The following GABRG1 variants were observed in gnomAD, a reference collection of about 807,000 sequenced individuals.
The protein encoded by GABRG1 is gamma-aminobutyric acid receptor subunit gamma-1.
A neutral mutation model predicts 49.8 loss-of-function variants in GABRG1; 49 were observed. The ratio of observed to expected loss-of-function variants is 0.98; its 90% confidence interval spans 0.78 to 1.25. GABRG1 has a LOEUF of 1.25. Ranked by LOEUF, GABRG1 falls within the 50% of genes most tolerant of loss-of-function variation. GABRG1 has a pLI of 0.00. For synonymous variants in GABRG1, 232 were observed against 185.1 expected (o/e 1.25, Z -2.06); for missense variants, 552 against 552.3 (o/e 1.00, Z 0.01).
At chr4:46,066,212 T>C (rs1350014948) in intron 3 of GABRG1, among the ~76,000 whole-genome samples, 2 of 152,164 alleles carry the variant, frequency 1.3e-5, no homozygotes, top group Non-Finnish European at 2.9e-5. Flanking sequence ...TATTAATTTA[T>C]ACATACAGTT....
intron 8 of GABRG1, among the ~76,000 whole-genome samples, chr4:46,048,513 A>C (rs936087380): frequency 6.6e-6 from 1 of 151,356 alleles, no homozygotes; most frequent in Non-Finnish European, 1.5e-5. Flanking sequence ...CTGGTACTAA[A>C]TGGTTACTCT....
At chr4:46,122,224 A>G (rs73146836) in intron 1 of GABRG1, among the ~76,000 whole-genome samples, 14,271 of 152,064 alleles carry the variant, frequency 0.094, 1,662 homozygotes, top group African/African-American at 0.28. Context: ...ATTCCCCAAA[A>G]CAAAACATGT....
At chr4:46,080,685 C>T (rs1434879136) in intron 3 of GABRG1, among the ~76,000 whole-genome samples, 1 of 151,800 alleles carries the variant, frequency 6.6e-6, no homozygotes, top group African/African-American at 2.4e-5. Flanking sequence ...AATACCAATA[C>T]ATCCTTGAAT....
intron 3 of GABRG1, among the ~76,000 whole-genome samples, chr4:46,079,341 T>C (rs1460869647): frequency 6.6e-6 from 1 of 151,958 alleles, no homozygotes. Context: ...TCCTCAGCCC[T>C]GTCTCCGTTA....
At chr4:46,114,749 A>G (rs1388280924) in intron 1 of GABRG1, among the ~76,000 whole-genome samples, 1 of 151,074 alleles carries the variant, frequency 6.6e-6, no homozygotes, top group African/African-American at 2.4e-5. Context: ...GTGGTCCTTA[A>G]TTTAAAAATT....
At chr4:46,061,444 T>C (rs527676307) in intron 5 of GABRG1, among the ~76,000 whole-genome samples, 1 of 152,234 alleles carries the variant, frequency 6.6e-6, no homozygotes, top group African/African-American at 2.4e-5. Context: ...TAGAATGTGA[T>C]CTGTGAAAAC....
chr4:46,045,469 G>A (rs1717957771), intron 8 of GABRG1, among the ~76,000 whole-genome samples: 2 of 151,604 alleles, frequency 1.3e-5, no homozygotes, highest in Non-Finnish European at 2.9e-5. Context: ...ATGAACAATT[G>A]ATAACATTCT....
chr4:46,053,939 A>T (rs527737084), intron 7 of GABRG1, among the ~76,000 whole-genome samples: 2 of 152,042 alleles, frequency 1.3e-5, no homozygotes, highest in Non-Finnish European at 2.9e-5. Context: ...TATCATTGCT[A>T]TATTCTCCAT....
At chr4:46,051,308 T>C in intron 8 of GABRG1, 116 bp downstream of exon 8, 2 of 728,788 alleles carry the variant, frequency 2.7e-6, no homozygotes, top group Middle Eastern at 4.0e-4. Context: ...CTTAACTTTG[T>C]CTTTGGTTAT....
intron 5 of GABRG1, among the ~76,000 whole-genome samples, chr4:46,060,890 CATG>C (rs1185598155): frequency 6.6e-6 from 1 of 152,050 alleles, no homozygotes; most frequent in African/African-American, 2.4e-5. Context: ...CTCTGAATCT[CATG>C]ATATTAATTT....
chr4:46,055,277 C>G lies in GABRG1; in HGVS notation c.916+2940G>C, dbSNP rs1364060555. ...ACAAGAAAAAAACAAACAACCCCAT[C>G]AAAAAGTGGGCGAAGGACATGAACA... On this transcript the variant is annotated intron_variant, in intron 7 of 8. Coordinates refer to ENST00000295452, the MANE Select transcript of GABRG1 (RefSeq NM_173536.4). Among the ~76,000 whole-genome samples, 18 of 6,364 alleles carry G rather than the reference C, an allele frequency of 2.8e-3. 1 individual carries two copies. The highest frequency in any genetic ancestry group is 0.014 in the African/African-American group (14 of 990). 4.2% of individuals were successfully genotyped at this position (6,364 alleles called of 152,430 possible).
intron 1 of GABRG1, among the ~76,000 whole-genome samples, chr4:46,113,965 A>G (rs896289841): frequency 6.6e-6 from 1 of 151,114 alleles, no homozygotes; most frequent in African/African-American, 2.4e-5. Flanking sequence ...AGAAGATGCA[A>G]TATACTCTAT....
chr4:46,061,878 T>TA (rs934170717), intron 5 of GABRG1, among the ~76,000 whole-genome samples: 8 of 151,788 alleles, frequency 5.3e-5, no homozygotes, highest in African/African-American at 1.9e-4. Flanking sequence ...TATTTTATTT[T>TA]TTTTATTATT....
At chr4:46,042,397 C>A (rs1362474888) in intron 8 of GABRG1, among the ~76,000 whole-genome samples, 1 of 151,864 alleles carries the variant, frequency 6.6e-6, no homozygotes, top group African/African-American at 2.4e-5. Context: ...TTTAGCAATT[C>A]TTCGTTTTTC....
Position 46,051,622 on chromosome 4 carries a change from C to G in GABRG1, c.933G>C (p.Leu311=). The change falls in exon 8 of 9, where the codon CTG becomes CTC. Residue 311 remains leucine (L), a synonymous_variant. Transcript: ENST00000295452. ...ARTSLGITTV[L]TMTTLSTIAR... ...CAATTGTACTCAGGGTTGTCATAGT[C>G]AGAACTGTAGTGATACCTATAGAGA... 6.2e-7 allele frequency: 1 copy of G among 1,606,930 alleles called. No homozygotes were observed. Among genetic ancestry groups the G allele is most frequent in the Non-Finnish European group, 8.5e-7 (1 of 1,174,746 alleles).
chr4:46,068,052 A>G (rs1718983029), intron 3 of GABRG1, among the ~76,000 whole-genome samples: 3 of 152,234 alleles, frequency 2.0e-5, no homozygotes, highest in South Asian at 4.1e-4. Flanking sequence ...TCTTCACCTG[A>G]CACAAATGAC....
intron 2 of GABRG1, among the ~76,000 whole-genome samples, chr4:46,091,126 G>C (rs1719975549): frequency 6.6e-6 from 1 of 151,994 alleles, no homozygotes; most frequent in African/African-American, 2.4e-5. Flanking sequence ...GAAGAGAGTT[G>C]AGCTATTTTA....
rs1234114708 is a variant in GABRG1 at position 46,038,986 on chromosome 4, A to G, written c.*2002T>C. ...CAAGCACTTTTAAGTATTTTAAAAT[A>G]CAGTCATGCTCAGATACACTTGAAA... On this transcript the variant is annotated 3_prime_UTR_variant, in exon 9 of 9. Coordinates refer to ENST00000295452, the MANE Select transcript of GABRG1 (RefSeq NM_173536.4). The G allele has an allele frequency of 2.0e-5, 3 of 151,764 alleles. No homozygotes were observed. The allele number at this position is 151,764 out of a possible 1,614,324, so 9.4% of individuals were successfully genotyped here. A position where few individuals can be genotyped will look rare whatever the true frequency, so the allele number is the denominator to read the frequency against.
intron 8 of GABRG1, among the ~76,000 whole-genome samples, chr4:46,045,622 T>C (rs1399728810): frequency 3.3e-5 from 5 of 151,880 alleles, no homozygotes; most frequent in Non-Finnish European, 7.4e-5. Context: ...AAAAGTTTTA[T>C]CTGCAAAGAA....
Sources: allele counts gnomAD v4.1 joint callset (sites outside exome capture counted in the v4.1 genomes callset), GRCh38; gene constraint gnomAD v4.1.1; transcripts MANE v1.5; gene names NCBI Gene and HGNC (gene_info 2026-07-23, HGNC 2026-07-21).